Variants in LRP1B observed in about 807,000 individuals in gnomAD.
LRP1B encodes low-density lipoprotein receptor-related protein 1B.
In LRP1B, 217 loss-of-function variants were observed where a neutral mutation model predicts 556.6. The ratio of observed to expected loss-of-function variants is 0.39; its 90% CI spans 0.35 to 0.44. The LOEUF (loss-of-function observed/expected upper bound fraction) is 0.44, where lower values mean the gene tolerates loss of function less well. LRP1B is among the 20% of genes least tolerant of loss of function. The probability of loss-of-function intolerance (pLI) is 1.00; values close to 1 mark genes in which losing one functional copy is unlikely to be tolerated. For synonymous variants in LRP1B, 2,047 were observed against 1,865.8 expected, an observed-to-expected ratio of 1.10 and a Z score of -2.50; for missense variants, 5,053 against 5,620.8, an observed-to-expected ratio of 0.90 and a Z score of 3.23.
In LRP1B at chr2:141,102,693, A is replaced by G. The variant is rs111646550; in HGVS notation, c.1014-40420T>C. Among the ~76,000 whole-genome samples the G allele has an allele frequency of 4.7e-3, 710 of 152,262 alleles. 6 individuals carry two copies. Among genetic ancestry groups the G allele is most frequent in the Non-Finnish European group, 7.2e-3 (492 of 68,000 alleles). ...TAGAAAAAAAAGGTACAACTATAAC[A>G]TAAACATCAGTTAATCCAAGAATGC... On this transcript the variant is annotated intron_variant, in intron 7 of 90. Coordinates refer to ENST00000389484, the MANE Select transcript of LRP1B (RefSeq NM_018557.3).
intron 5 of LRP1B, among the ~76,000 whole-genome samples, chr2:141,231,062 A>G (rs928461488): frequency 6.6e-6 from 1 of 152,246 alleles, no homozygotes; most frequent in Non-Finnish European, 1.5e-5. Flanking sequence ...AACAAAAATA[A>G]TTTATTTAAC....
intron 2 of LRP1B, among the ~76,000 whole-genome samples, chr2:141,580,541 A>T (rs935017199): frequency 1.3e-5 from 2 of 151,870 alleles, no homozygotes; most frequent in African/African-American, 2.4e-5. Context: ...CAAATATGTG[A>T]GGACAAACCT....
intron 2 of LRP1B, among the ~76,000 whole-genome samples, chr2:141,504,241 C>A (rs891300782): frequency 9.9e-5 from 15 of 152,144 alleles, no homozygotes; most frequent in Non-Finnish European, 1.5e-4. Context: ...ACTGTAAGTT[C>A]TCCAAGGGCA....
At chr2:141,184,121 G>A (rs13424753) in intron 7 of LRP1B, among the ~76,000 whole-genome samples, 2,797 of 152,088 alleles carry the variant, frequency 0.018, 85 homozygotes, top group African/African-American at 0.062. Context: ...TTGAAGCAGT[G>A]TCATGTTCAA....
At chr2:141,565,336 A>G (rs1574084177) in intron 2 of LRP1B, among the ~76,000 whole-genome samples, 1 of 152,332 alleles carries the variant, frequency 6.6e-6, no homozygotes, top group East Asian at 1.9e-4. Context: ...AAATGAAATT[A>G]GAATACATTT....
chr2:141,849,549 C>T (rs16847351), intron 1 of LRP1B, among the ~76,000 whole-genome samples: 9,401 of 151,452 alleles, frequency 0.062, 979 homozygotes, highest in African/African-American at 0.21. Context: ...TGAGAAAATA[C>T]GTGTTCATAA....
At chr2:141,869,378 C>T (rs1698511824) in intron 1 of LRP1B, among the ~76,000 whole-genome samples, 1 of 151,716 alleles carries the variant, frequency 6.6e-6, no homozygotes, top group Non-Finnish European at 1.5e-5. Flanking sequence ...AAATATTCAA[C>T]TTCAGAATAA....
chr2:140,959,345 A>C (rs983235589), intron 18 of LRP1B, among the ~76,000 whole-genome samples: 5 of 151,672 alleles, frequency 3.3e-5, no homozygotes, highest in African/African-American at 9.7e-5. Context: ...AGTTGACTGA[A>C]AAACTGAATA....
intron 7 of LRP1B, among the ~76,000 whole-genome samples, chr2:141,184,750 G>A (rs1158018880): frequency 6.6e-6 from 1 of 150,610 alleles, no homozygotes; most frequent in South Asian, 2.1e-4. Flanking sequence ...TGCAGCGATG[G>A]GTAAGAAAAA....
At chr2:141,918,739 G>C (rs1233701136) in intron 1 of LRP1B, among the ~76,000 whole-genome samples, 1 of 152,100 alleles carries the variant, frequency 6.6e-6, no homozygotes, top group African/African-American at 2.4e-5. Context: ...AAATAGCCAG[G>C]ATAATAGCCC....
chr2:141,627,979 T>C (rs1217396618), intron 2 of LRP1B, among the ~76,000 whole-genome samples: 1 of 152,170 alleles, frequency 6.6e-6, no homozygotes, highest in Admixed American at 6.5e-5. Context: ...TAAAAATAAA[T>C]TCTATTAACA....
chr2:141,202,890 C>G (rs192315570), intron 6 of LRP1B, among the ~76,000 whole-genome samples: 3 of 152,078 alleles, frequency 2.0e-5, no homozygotes, highest in Admixed American at 1.3e-4. Context: ...ACCCCCACCC[C>G]CCGACAGGCC....
intron 1 of LRP1B, among the ~76,000 whole-genome samples, chr2:142,105,549 A>G (rs1173501533): frequency 1.3e-5 from 2 of 150,194 alleles, no homozygotes; most frequent in African/African-American, 4.9e-5. Context: ...CTTATGGTTG[A>G]TGAATTAGTT....
intron 7 of LRP1B, among the ~76,000 whole-genome samples, chr2:141,091,415 A>T (rs1410446009): frequency 1.3e-5 from 2 of 152,238 alleles, no homozygotes; most frequent in Non-Finnish European, 2.9e-5. Flanking sequence ...CAAAAACAAC[A>T]ACAACAACAA....
intron 41 of LRP1B, among the ~76,000 whole-genome samples, chr2:140,666,317 C>CACAG (rs1162446024): frequency 3.4e-5 from 5 of 147,360 alleles, no homozygotes; most frequent in African/African-American, 1.3e-4. Context: ...CACACACACA[C>CACAG]ACACACACAC....
In LRP1B at chr2:141,332,789, A is replaced by T. The variant is rs541998029; in HGVS notation, c.344-78148T>A. On this transcript the variant is annotated intron_variant, in intron 3 of 90. Coordinates refer to ENST00000389484, the MANE Select transcript of LRP1B (RefSeq NM_018557.3). ...ATGTTCCCCTTGAAAGTCTTTTTGTATTCCATATCTGTCTTTTAAAAATGC... is the reference window on the plus strand; with the variant it reads ...ATGTTCCCCTTGAAAGTCTTTTTGTTTTCCATATCTGTCTTTTAAAAATGC... Among the ~76,000 whole-genome samples, 209 of 143,016 alleles carry T rather than the reference A, an allele frequency of 1.5e-3. 1 individual carries two copies. The highest frequency in any genetic ancestry group is 2.5e-3 in the Non-Finnish European group (168 of 65,950). 93.8% of individuals were successfully genotyped at this position (143,016 alleles called of 152,430 possible).
chr2:140,644,331 T>C (rs1410795938), intron 41 of LRP1B, among the ~76,000 whole-genome samples: 1 of 152,138 alleles, frequency 6.6e-6, no homozygotes, highest in Non-Finnish European at 1.5e-5. Context: ...GCTATTCTTA[T>C]GGCTTTATGT....
Position 140,561,488 on chromosome 2 carries a change from A to T in LRP1B, c.7195-19517T>A, listed in dbSNP as rs114858469. On this transcript the variant is annotated intron_variant, in intron 43 of 90. Coordinates refer to ENST00000389484, the MANE Select transcript of LRP1B (RefSeq NM_018557.3). ...TATTCATTCTGAAGGTTCCCATGTC[A>T]CGTAAAGCTGTGATTAAATTGTTAT... is the stretch of plus-strand genomic sequence containing the variant. Among the ~76,000 whole-genome samples, 563 of 152,282 alleles carry T rather than the reference A, an allele frequency of 3.7e-3. 3 individuals carry two copies. The highest frequency in any genetic ancestry group is 0.013 in the African/African-American group (531 of 41,576).
chr2:140,453,086 TA>T (rs1312605529), intron 62 of LRP1B, among the ~76,000 whole-genome samples: 1 of 151,724 alleles, frequency 6.6e-6, no homozygotes, highest in Non-Finnish European at 1.5e-5. Flanking sequence ...TACAATATAT[TA>T]AAACACATTA....
Sources: gnomAD v4.1 joint callset for allele counts (sites outside exome capture counted in the v4.1 genomes callset) on GRCh38, gnomAD v4.1.1 for gene constraint, MANE v1.5 for transcripts, NCBI Gene and HGNC (gene_info 2026-07-23, HGNC 2026-07-21) for gene names.